Variants in DYNC2H1 observed in about 807,000 individuals in gnomAD.
DYNC2H1 encodes the protein dynein cytoplasmic 2 heavy chain 1.
DYNC2H1 carries 410 observed loss-of-function variants against 570.0 expected under a neutral mutation model. The observed-to-expected ratio is 0.72, with a 90% CI of 0.66 to 0.78. The LOEUF (loss-of-function observed/expected upper bound fraction) is 0.78. Ranked by LOEUF, DYNC2H1 falls within the 30% of genes least tolerant of loss-of-function variation. DYNC2H1 has a pLI of 0.00. For synonymous variants in DYNC2H1, 1,688 were observed against 1,677.6 expected, an observed-to-expected ratio of 1.01 and a Z score of -0.15; for missense variants, 4,865 against 5,046.4, an observed-to-expected ratio of 0.96 and a Z score of 1.09.
At chr11:103,224,325 G>T (rs1220835015) in intron 59 of DYNC2H1, among the ~76,000 whole-genome samples, 1 of 151,944 alleles carries the variant, frequency 6.6e-6, no homozygotes, top group Non-Finnish European at 1.5e-5. Context: ...CTTTAGTGGT[G>T]ATTTCAGAGA....
At chr11:103,466,427 C>A (rs970990672) in intron 87 of DYNC2H1, among the ~76,000 whole-genome samples, 1 of 151,996 alleles carries the variant, frequency 6.6e-6, no homozygotes, top group Admixed American at 6.5e-5. Context: ...AAATTTGCTA[C>A]CCTGAAATTA....
In DYNC2H1 at chr11:103,253,407, G is replaced by C; in HGVS notation, c.10165G>C (p.Glu3389Gln). ...ACCGGATGCAGCTTCCATTGTTACT[G>C]AGGTTAACTTTACTACAACAAGAAG... ...IPPDAASIVTEVNFTTTRSGL... is the reference protein window; with the variant it reads ...IPPDAASIVTQVNFTTTRSGL... The change falls in exon 66 of 89, where the codon GAG (glutamate) becomes CAG (glutamine). Residue 3389 changes from glutamate to glutamine, a missense_variant. By Grantham distance (29) the Glu-to-Gln change is conservative. Coordinates refer to ENST00000375735, the MANE Select transcript of DYNC2H1 (RefSeq NM_001377.3). 6.2e-7 allele frequency: 1 copy of C among 1,613,158 alleles called. No homozygotes were observed. Among genetic ancestry groups the C allele is most frequent in the Non-Finnish European group, 8.5e-7 (1 of 1,179,416 alleles).
At chr11:103,188,898 T>TAA (rs1284332896) in intron 44 of DYNC2H1, among the ~76,000 whole-genome samples, 2 of 152,084 alleles carry the variant, frequency 1.3e-5, no homozygotes, top group African/African-American at 2.4e-5. Flanking sequence ...GTAGTCTGTG[T>TAA]TCCAAAATGT....
intron 75 of DYNC2H1, among the ~76,000 whole-genome samples, chr11:103,288,169 C>A (rs1356490058): frequency 6.6e-6 from 1 of 152,064 alleles, no homozygotes; most frequent in East Asian, 1.9e-4. Flanking sequence ...GCTGCATTAC[C>A]CCTAAACCAT....
Position 103,245,193 on chromosome 11 carries a change from T to C in DYNC2H1, c.9919-58T>C. On this transcript the variant is annotated intron_variant, in intron 64 of 88. Transcript: ENST00000375735. The surrounding 1 kb of genome is among the most constrained non-coding windows in gnomAD (Gnocchi z 4.5). ...TTACTGTAGAAAATCAAAGAAAGGA[T>C]GTTTGTAAATATTAAAGTAATTAAA... 7.5e-7 allele frequency: 1 copy of C among 1,330,980 alleles called. No homozygotes were observed. The highest frequency in any genetic ancestry group is 1.0e-6 in the Non-Finnish European group (1 of 981,376). The allele number at this position is 1,330,980 out of a possible 1,614,324, so 82.4% of individuals were successfully genotyped here. A position where few individuals can be genotyped will look rare whatever the true frequency, so the allele number is the denominator to read the frequency against.
rs767744023 is a variant in DYNC2H1 at position 103,128,963 on chromosome 11, A to G, written c.1911A>G (p.Pro637=). ...IDQQMIQSQR[P]MMLQSALAFE... Reference sequence around the variant, plus strand: ...AACAAATGATTCAAAGTCAGAGGCCAATGATGTTACAATCTGCCTTAGCAT... The same window carrying G: ...AACAAATGATTCAAAGTCAGAGGCCGATGATGTTACAATCTGCCTTAGCAT... Residue 637 remains proline, a synonymous_variant, in exon 13 of 89, where the codon CCA becomes CCG. Transcript: ENST00000375735. 14 of 1,605,280 alleles carry G rather than the reference A, an allele frequency of 8.7e-6. No individual in the cohort carries two copies. Among genetic ancestry groups the G allele is most frequent in the Non-Finnish European group, 1.2e-5 (14 of 1,176,778 alleles).
chr11:103,459,955 T>C (rs1160296842), intron 87 of DYNC2H1, among the ~76,000 whole-genome samples: 2 of 96,656 alleles, frequency 2.1e-5, no homozygotes, highest in African/African-American at 1.1e-4. Context: ...CGAGACTCCG[T>C]CTCAAAAAAA....
At chr11:103,149,973 A>G (rs1235182327) in intron 20 of DYNC2H1, among the ~76,000 whole-genome samples, 2 of 152,222 alleles carry the variant, frequency 1.3e-5, no homozygotes. Context: ...GGGACAGATC[A>G]TTCCAAAAAC....
At chr11:103,313,039 T>C (rs1453164979) in intron 79 of DYNC2H1, among the ~76,000 whole-genome samples, 3 of 152,238 alleles carry the variant, frequency 2.0e-5, no homozygotes, top group Non-Finnish European at 4.4e-5. Flanking sequence ...TGAATTTGTC[T>C]TCCAACTGTT....
chr11:103,258,603 T>C (rs1353666621), intron 69 of DYNC2H1, among the ~76,000 whole-genome samples: 1 of 152,220 alleles, frequency 6.6e-6, no homozygotes, highest in Non-Finnish European at 1.5e-5. Context: ...GACTGCCAAC[T>C]GCAGCACCTC....
At position 103,456,316 on chromosome 11, in the gene DYNC2H1, C is replaced by T. The variant is rs1399121135; in HGVS notation, c.12608C>T (p.Ser4203Leu). ...GTGGATAGCCTTAAATTTGTAGCCTCATGGAAAGGTCGACTGCAAGAAGCA... is the reference window on the plus strand; with the variant it reads ...GTGGATAGCCTTAAATTTGTAGCCTTATGGAAAGGTCGACTGCAAGAAGCA... The part of the protein sequence containing the change: ...RSVDSLKFVA[S>L]WKGRLQEAKL... Residue 4203 changes from serine (S) to leucine (L), a missense_variant, in exon 87 of 89, where the codon TCA becomes TTA. Around this residue, in one of 5 missense-constraint regions of DYNC2H1, gnomAD observed 2,401 missense variants for 2,454.6 expected, o/e 0.98. Transcript: ENST00000375735. The T allele has an allele frequency of 3.7e-6, 6 of 1,609,194 alleles. No homozygotes were observed. The highest frequency in any genetic ancestry group is 5.1e-6 in the Non-Finnish European group (6 of 1,177,514).
chr11:103,375,851 A>G (rs778069027), intron 83 of DYNC2H1, among the ~76,000 whole-genome samples: 45 of 152,066 alleles, frequency 3.0e-4, no homozygotes, highest in Admixed American at 8.5e-4. Context: ...CTGGAATAAG[A>G]CTTTGGGGGA....
intron 70 of DYNC2H1, among the ~76,000 whole-genome samples, chr11:103,263,384 C>T (rs1865390143): frequency 6.6e-6 from 1 of 152,144 alleles, no homozygotes; most frequent in East Asian, 1.9e-4. Flanking sequence ...ACAGAACTCT[C>T]CACTCCAAAT....
chr11:103,444,355 T>C (rs627433), intron 85 of DYNC2H1, among the ~76,000 whole-genome samples: 53,627 of 151,784 alleles, frequency 0.35, 10,016 homozygotes, highest in African/African-American at 0.47. Context: ...TAGCATATAG[T>C]GAATATTTTT....
intron 83 of DYNC2H1, among the ~76,000 whole-genome samples, chr11:103,365,082 C>T (rs1369028102): frequency 6.6e-6 from 1 of 151,994 alleles, no homozygotes; most frequent in Non-Finnish European, 1.5e-5. Flanking sequence ...CATTGGTGCC[C>T]AGGTGCGGTG....
At chr11:103,279,165 T>C (rs1184201839) in intron 70 of DYNC2H1, among the ~76,000 whole-genome samples, 1 of 152,246 alleles carries the variant, frequency 6.6e-6, no homozygotes, top group Admixed American at 6.5e-5. Context: ...TCCATTTCCA[T>C]ACTATATGTC....
rs377680819 is a variant in DYNC2H1, at chr11:103,415,249, G to A, written c.12366+15377G>A. Among the ~76,000 whole-genome samples, 86 of 152,266 alleles carry A rather than the reference G, an allele frequency of 5.6e-4. 2 individuals carry two copies. The East Asian group carries it at 0.015, about 27-fold the overall frequency. The stretch of plus-strand genomic sequence containing the variant: ...CCTAGGCAATACCATTCAGGACATA[G>A]GCATGGGCAAGGACTTCATGACTAA... On this transcript the variant is annotated intron_variant, in intron 84 of 88. Coordinates refer to ENST00000375735, the MANE Select transcript of DYNC2H1 (RefSeq NM_001377.3).
rs376713025 is a variant in DYNC2H1 at position 103,343,255 on chromosome 11, C to T, written c.12040-14988C>T. 2.2e-4 allele frequency among the ~76,000 whole-genome samples: 33 copies of T among 152,262 alleles called. No individual in the cohort carries two copies. In the South Asian group the frequency reaches 5.6e-3, roughly 26 times the overall value. ...AGCTCTCAAAGTTAAGTCGCCCAAG[C>T]GCAACTCGACCATCTATCCTGTATA... On this transcript the variant is annotated intron_variant, in intron 82 of 88. Transcript: ENST00000375735.
In DYNC2H1 at chr11:103,324,027, G is replaced by C. The variant is rs1444862465; in HGVS notation, c.12039+37G>C. 2 of 1,535,088 alleles carry C rather than the reference G, an allele frequency of 1.3e-6. No individual in the cohort carries two copies. The highest frequency in any genetic ancestry group is 2.3e-5 in the East Asian group (1 of 43,756). On this transcript the variant is annotated intron_variant, in intron 82 of 88. Coordinates refer to ENST00000375735, the MANE Select transcript of DYNC2H1 (RefSeq NM_001377.3). The surrounding 1 kb of genome is among the most constrained non-coding windows in gnomAD (Gnocchi z 5.2). ...AAAAGATCTACCTTCAAAAAAAGTTGCTAGTGAGCCTGAAGGAGACAAAAT... is the reference window on the plus strand; with the variant it reads ...AAAAGATCTACCTTCAAAAAAAGTTCCTAGTGAGCCTGAAGGAGACAAAAT...
Sources: gnomAD v4.1 joint callset for allele counts (sites outside exome capture counted in the v4.1 genomes callset) on GRCh38, gnomAD v4.1.1 for gene constraint, gnomAD v4.1.1 regional missense constraint, Gnocchi (gnomAD v3.1) non-coding constraint, MANE v1.5 for transcripts, NCBI Gene and HGNC (gene_info 2026-07-23, HGNC 2026-07-21) for gene names.